The following NPAS3 variants were observed in gnomAD, a reference collection of about 807,000 sequenced individuals.
The protein encoded by NPAS3 is neuronal PAS domain-containing protein 3.
Under a neutral mutation model 73.1 loss-of-function variants are expected in NPAS3, and 14 were observed. That is an observed-to-expected ratio of 0.19 (90% CI 0.13 to 0.30). NPAS3 has a LOEUF of 0.30. NPAS3 is among the 10% of genes least tolerant of loss of function. The pLI, the probability that NPAS3 is intolerant of heterozygous loss-of-function variation, is 1.00. For synonymous variants in NPAS3, 620 were observed against 541.5 expected, an observed-to-expected ratio of 1.14 and a Z score of -2.01; for missense variants, 1,096 against 1,250.0, an observed-to-expected ratio of 0.88 and a Z score of 1.86.
At chr14:33,311,215 C>A (rs1358289925) in intron 3 of NPAS3, among the ~76,000 whole-genome samples, 1 of 152,074 alleles carries the variant, frequency 6.6e-6, no homozygotes, top group Non-Finnish European at 1.5e-5. Context: ...TGGCAAAGTG[C>A]TCTCAGTATT....
At chr14:33,207,120 C>A (rs976960044) in intron 2 of NPAS3, among the ~76,000 whole-genome samples, 1 of 152,048 alleles carries the variant, frequency 6.6e-6, no homozygotes, top group Admixed American at 6.6e-5. Flanking sequence ...GTATTAGCTT[C>A]TTCAATTTCC....
chr14:33,690,382 AAATT>A (rs1258627897), intron 6 of NPAS3, among the ~76,000 whole-genome samples: 4 of 152,180 alleles, frequency 2.6e-5, no homozygotes, highest in South Asian at 2.1e-4. Flanking sequence ...TTAAATAAAT[AAATT>A]AAGAAACTCA....
At chr14:33,128,327 TA>T (rs1393992791) in intron 2 of NPAS3, among the ~76,000 whole-genome samples, 3 of 152,102 alleles carry the variant, frequency 2.0e-5, no homozygotes, top group African/African-American at 7.2e-5. Context: ...TGTGGAAAAA[TA>T]TTTTTTTCTC....
chr14:33,786,764 TAG>T (rs2063186766), intron 9 of NPAS3, among the ~76,000 whole-genome samples: 1 of 152,212 alleles, frequency 6.6e-6, no homozygotes, highest in Non-Finnish European at 1.5e-5. Context: ...CCTCTCACAG[TAG>T]AGACTTCCAC....
intron 5 of NPAS3, among the ~76,000 whole-genome samples, chr14:33,634,199 T>G (rs1641254317): frequency 6.6e-6 from 1 of 152,170 alleles, no homozygotes; most frequent in African/African-American, 2.4e-5. Context: ...CAGGCACTAG[T>G]GCTAGTAAAA....
intron 3 of NPAS3, among the ~76,000 whole-genome samples, chr14:33,243,569 ATAT>A (rs1220852145): frequency 1.3e-5 from 2 of 152,112 alleles, no homozygotes; most frequent in African/African-American, 4.8e-5. Flanking sequence ...CCATTCACTC[ATAT>A]TATCAACAGC....
chr14:33,245,228 GT>G (rs1420082336), intron 3 of NPAS3, among the ~76,000 whole-genome samples: 1 of 152,128 alleles, frequency 6.6e-6, no homozygotes, highest in Non-Finnish European at 1.5e-5. Context: ...TTGAATATCT[GT>G]TAGACAGTTG....
chr14:33,235,588 A>G (rs2048004908), intron 3 of NPAS3, among the ~76,000 whole-genome samples: 2 of 152,042 alleles, frequency 1.3e-5, no homozygotes, highest in South Asian at 4.1e-4. Flanking sequence ...GGTAATATAT[A>G]CAGGTGCACA....
intron 1 of NPAS3, among the ~76,000 whole-genome samples, chr14:33,043,498 A>G (rs1025888388): frequency 6.6e-6 from 1 of 152,160 alleles, no homozygotes; most frequent in African/African-American, 2.4e-5. Context: ...ACCAAAGCTG[A>G]AATGTTTTGG....
chr14:33,667,973 G>A (rs2059502930), intron 5 of NPAS3, among the ~76,000 whole-genome samples: 1 of 152,064 alleles, frequency 6.6e-6, no homozygotes, highest in Admixed American at 6.6e-5. Context: ...AGGTAAACGT[G>A]TGCCATGGTG....
chr14:33,005,141 G>A (rs933863977), intron 1 of NPAS3, among the ~76,000 whole-genome samples: 1 of 151,936 alleles, frequency 6.6e-6, no homozygotes, highest in Non-Finnish European at 1.5e-5. Context: ...CAGTAACTTA[G>A]TCATTTATTA....
intron 1 of NPAS3, among the ~76,000 whole-genome samples, chr14:32,944,798 G>A (rs887830036): frequency 6.6e-6 from 1 of 152,212 alleles, no homozygotes; most frequent in Non-Finnish European, 1.5e-5. Context: ...TTAAACAATA[G>A]TTGAAGTTTT....
intron 2 of NPAS3, among the ~76,000 whole-genome samples, chr14:33,081,187 T>C (rs2041853367): frequency 6.6e-6 from 1 of 152,192 alleles, no homozygotes; most frequent in Non-Finnish European, 1.5e-5. Flanking sequence ...GGCCGTAGAC[T>C]AGAGCTCTAT....
At chr14:33,285,575 A>G (rs2041842207) in intron 3 of NPAS3, among the ~76,000 whole-genome samples, 1 of 152,318 alleles carries the variant, frequency 6.6e-6, no homozygotes, top group Admixed American at 6.5e-5. Context: ...GTTAGTGAAG[A>G]AGCTAGGTCT....
chr14:32,954,620 T>C (rs930270708), intron 1 of NPAS3, among the ~76,000 whole-genome samples: 1 of 152,114 alleles, frequency 6.6e-6, no homozygotes, highest in Non-Finnish European at 1.5e-5. Flanking sequence ...CATCATACTG[T>C]TTTTCTCTTC....
chr14:33,346,130 CAGG>C (rs1331440472), intron 3 of NPAS3, among the ~76,000 whole-genome samples: 3 of 150,560 alleles, frequency 2.0e-5, no homozygotes, highest in Admixed American at 1.3e-4. Flanking sequence ...TGAGGGGAGG[CAGG>C]AGAATTGCTT....
chr14:33,276,395 A>G (rs1215594600), intron 3 of NPAS3, among the ~76,000 whole-genome samples: 3 of 152,172 alleles, frequency 2.0e-5, no homozygotes, highest in Non-Finnish European at 4.4e-5. Context: ...ACCTTCTGCC[A>G]TACCAGAAGG....
intron 4 of NPAS3, among the ~76,000 whole-genome samples, chr14:33,528,956 A>G (rs570158420): frequency 1.2e-4 from 19 of 152,242 alleles, no homozygotes; most frequent in African/African-American, 4.6e-4. Context: ...TTTCGAGGTC[A>G]TATAGTTGAT....
At chr14:33,522,929 C>G (rs563495686) in intron 4 of NPAS3, among the ~76,000 whole-genome samples, 8 of 152,082 alleles carry the variant, frequency 5.3e-5, no homozygotes, top group Admixed American at 4.6e-4. Context: ...TAATATGGAA[C>G]TGTGTAATAT....
Sources: allele counts gnomAD v4.1 joint callset (sites outside exome capture counted in the v4.1 genomes callset), GRCh38; gene constraint gnomAD v4.1.1; transcripts MANE v1.5; gene names NCBI Gene and HGNC (gene_info 2026-07-23, HGNC 2026-07-21).